The following KCNN3 variants were observed in gnomAD, a reference collection of about 807,000 sequenced individuals.
The protein encoded by KCNN3 is potassium calcium-activated channel subfamily N member 3.
In KCNN3, 16 loss-of-function variants were observed where a neutral mutation model predicts 62.9. The observed-to-expected ratio is 0.25, with a 90% CI of 0.17 to 0.39. The LOEUF is 0.39. Ranked by LOEUF, KCNN3 falls within the 10% of genes least tolerant of loss-of-function variation. The probability of loss-of-function intolerance (pLI) is 1.00; values close to 1 mark genes in which losing one functional copy is unlikely to be tolerated. For synonymous variants in KCNN3, 370 were observed against 389.2 expected, an observed-to-expected ratio of 0.95 and a Z score of 0.58; for missense variants, 599 against 949.4, an observed-to-expected ratio of 0.63 and a Z score of 4.85.
At chr1:154,769,591 C>A (rs1322331346) in intron 3 of KCNN3, among the ~76,000 whole-genome samples, 1 of 152,202 alleles carries the variant, frequency 6.6e-6, no homozygotes, top group Admixed American at 6.5e-5. Flanking sequence ...AAAATAGTCA[C>A]CCCTTCTTGT....
At chr1:154,764,304 G>A (rs1201974366) in intron 3 of KCNN3, among the ~76,000 whole-genome samples, 1 of 152,018 alleles carries the variant, frequency 6.6e-6, no homozygotes, top group Non-Finnish European at 1.5e-5. Flanking sequence ...CTCTGATGTG[G>A]CATGGGAGGT....
intron 2 of KCNN3, among the ~76,000 whole-genome samples, chr1:154,794,935 A>G (rs927104074): frequency 2.6e-5 from 4 of 152,098 alleles, no homozygotes; most frequent in Admixed American, 2.6e-4. Context: ...GCTCTTTTTC[A>G]TCCAATCCCT....
intron 3 of KCNN3, 115 bp from the exon 4 acceptor site, chr1:154,733,259 G>T: frequency 1.8e-6 from 2 of 1,090,732 alleles, no homozygotes; most frequent in Non-Finnish European, 2.8e-6. Context: ...AGAGGCAGCA[G>T]TGACGGTGGC....
At chr1:154,859,711 A>T (rs1379239444) in intron 1 of KCNN3, 1 of 1,614,144 alleles carries the variant, frequency 6.2e-7, no homozygotes, top group South Asian at 1.1e-5. Context: ...AGGTCTCTCC[A>T]TCTATAACCT....
intron 1 of KCNN3, 79 bp from the exon 2 acceptor site, chr1:154,822,263 A>G: frequency 9.2e-7 from 1 of 1,087,552 alleles, no homozygotes; most frequent in Non-Finnish European, 1.4e-6. Context: ...TGTGTAAAAG[A>G]GAAGGGGTGG....
chr1:154,864,590 C>T (rs755207786), intron 1 of KCNN3, among the ~76,000 whole-genome samples: 1 of 152,254 alleles, frequency 6.6e-6, no homozygotes, highest in South Asian at 2.1e-4. Context: ...CTCCCCTGGG[C>T]ATACGGAGAA....
At chr1:154,723,616 G>A (rs1342028470) in intron 5 of KCNN3, among the ~76,000 whole-genome samples, 1 of 152,132 alleles carries the variant, frequency 6.6e-6, no homozygotes, top group African/African-American at 2.4e-5. Flanking sequence ...GATCTACTTG[G>A]TGAAAAATGG....
intron 2 of KCNN3, among the ~76,000 whole-genome samples, chr1:154,810,789 G>C (rs1650373917): frequency 6.6e-6 from 1 of 152,218 alleles, no homozygotes; most frequent in African/African-American, 2.4e-5. Context: ...CCATGACTCA[G>C]CCCACCTTCT....
At chr1:154,858,347 C>T (rs778253675) in intron 1 of KCNN3, among the ~76,000 whole-genome samples, 2 of 152,198 alleles carry the variant, frequency 1.3e-5, no homozygotes, top group Admixed American at 1.3e-4. Context: ...GGTGACAGCT[C>T]TGGCCCACGT....
intron 3 of KCNN3, among the ~76,000 whole-genome samples, chr1:154,757,873 C>T (rs1647803287): frequency 3.3e-5 from 5 of 152,162 alleles, no homozygotes; most frequent in Admixed American, 3.3e-4. Context: ...AAAAGAAATA[C>T]CTGGCTGCTT....
At chr1:154,776,469 A>G (rs1400678398) in intron 2 of KCNN3, among the ~76,000 whole-genome samples, 1 of 152,126 alleles carries the variant, frequency 6.6e-6, no homozygotes, top group African/African-American at 2.4e-5. Context: ...GCTGCAGGTT[A>G]AAAGCTTCTG....
At chr1:154,804,098 A>T (rs575599799) in intron 2 of KCNN3, among the ~76,000 whole-genome samples, 1 of 152,308 alleles carries the variant, frequency 6.6e-6, no homozygotes, top group African/African-American at 2.4e-5. Flanking sequence ...GCTCTCTGGG[A>T]TGCACCTTGA....
At chr1:154,754,696 G>A (rs1426917488) in intron 3 of KCNN3, among the ~76,000 whole-genome samples, 2 of 152,240 alleles carry the variant, frequency 1.3e-5, no homozygotes, top group Non-Finnish European at 2.9e-5. Context: ...AGGGCAACAA[G>A]GGAGAAGGAG....
At chr1:154,783,238 G>T (rs1649136892) in intron 2 of KCNN3, among the ~76,000 whole-genome samples, 5 of 151,014 alleles carry the variant, frequency 3.3e-5, no homozygotes, top group Admixed American at 3.3e-4. Context: ...AAAAAGAAAA[G>T]AAAGAAAACT....
chr1:154,754,503 T>C lies in KCNN3; in HGVS notation c.1448+17472A>G, dbSNP rs557147168. On this transcript the variant is annotated intron_variant, in intron 3 of 7. Coordinates refer to ENST00000271915, the MANE Select transcript of KCNN3 (RefSeq NM_002249.6). ...TAATAAAGACTACATTTTCCCGCCA[T>C]GTGAATGACCAACGGATGTAAATGA... Among the ~76,000 whole-genome samples, 16 of 152,330 alleles carry C rather than the reference T, an allele frequency of 1.1e-4. No homozygotes were observed. In the South Asian group the frequency reaches 1.9e-3, roughly 18 times the overall value.
intron 1 of KCNN3, among the ~76,000 whole-genome samples, chr1:154,822,754 G>C (rs751411793): frequency 1.6e-4 from 24 of 152,360 alleles, no homozygotes; most frequent in South Asian, 8.3e-4. Flanking sequence ...CTACTGGAGA[G>C]AGAAGCCAGG....
At chr1:154,749,563 C>T (rs528224047) in intron 3 of KCNN3, among the ~76,000 whole-genome samples, 5 of 152,270 alleles carry the variant, frequency 3.3e-5, no homozygotes, top group East Asian at 1.9e-4. Flanking sequence ...TCTGGTTGGG[C>T]GTCTTTCCCT....
Position 154,725,547 on chromosome 1 carries a change from T to TC in KCNN3, c.1701+368_1701+369insG, listed in dbSNP as rs1386927006. 8.3e-5 allele frequency among the ~76,000 whole-genome samples: 12 copies of TC among 144,492 alleles called. 1 individual carries two copies. The highest frequency in any genetic ancestry group is 2.9e-4 in the African/African-American group (11 of 38,454). The allele number at this position is 144,492 out of a possible 152,430, so 94.8% of individuals were successfully genotyped here. A position where few individuals can be genotyped will look rare whatever the true frequency, so the allele number is the denominator to read the frequency against. On this transcript the variant is annotated intron_variant, in intron 5 of 7. Transcript: ENST00000271915. Reference sequence around the variant, plus strand: ...ACCATTTGCTTCCTTCCTTCCTTCTTTTTTTTTTTTTTTTGAGATGGAATC... The same window carrying TC: ...ACCATTTGCTTCCTTCCTTCCTTCTTCTTTTTTTTTTTTTTGAGATGGAATC...
chr1:154,755,781 A>G, intron 3 of KCNN3, among the ~76,000 whole-genome samples: 1 of 105,554 alleles, frequency 9.5e-6, no homozygotes. Flanking sequence ...AGGAGGAGAG[A>G]GAGAGGGGAG....
Sources: allele counts gnomAD v4.1 joint callset (sites outside exome capture counted in the v4.1 genomes callset), GRCh38; gene constraint gnomAD v4.1.1; transcripts MANE v1.5; gene names NCBI Gene and HGNC (gene_info 2026-07-23, HGNC 2026-07-21).